The following DGKB variants were observed in gnomAD, a reference collection of about 807,000 sequenced individuals.
The protein encoded by DGKB is 90 kDa diacylglycerol kinase.
In DGKB, 67 loss-of-function variants were observed where a neutral mutation model predicts 114.3. That is an observed-to-expected ratio of 0.59 (90% CI 0.48 to 0.72). DGKB has a LOEUF of 0.72. Ranked by LOEUF, DGKB falls within the 30% of genes least tolerant of loss-of-function variation. The pLI is 0.00. For synonymous variants in DGKB, 398 were observed against 323.1 expected, an observed-to-expected ratio of 1.23 and a Z score of -2.49; for missense variants, 907 against 975.2, an observed-to-expected ratio of 0.93 and a Z score of 0.93.
intron 21 of DGKB, among the ~76,000 whole-genome samples, chr7:14,461,550 C>G (rs1244605919): frequency 6.6e-6 from 1 of 152,030 alleles, no homozygotes; most frequent in East Asian, 1.9e-4. Context: ...CAAGACTAAA[C>G]CAGGAAGAAG....
chr7:14,673,661 T>C (rs1430725371), intron 12 of DGKB, among the ~76,000 whole-genome samples: 2 of 152,084 alleles, frequency 1.3e-5, no homozygotes, highest in African/African-American at 4.8e-5. Flanking sequence ...TTTTTTAATA[T>C]GTATGAGCCC....
intron 20 of DGKB, among the ~76,000 whole-genome samples, chr7:14,545,953 A>G (rs1794215564): frequency 6.6e-6 from 1 of 152,210 alleles, no homozygotes; most frequent in South Asian, 2.1e-4. Flanking sequence ...TAAAGTTAAC[A>G]ATCTTGTTAA....
chr7:14,275,280 A>C (rs568652809), intron 23 of DGKB, among the ~76,000 whole-genome samples: 35 of 152,134 alleles, frequency 2.3e-4, no homozygotes, highest in South Asian at 1.7e-3. Context: ...TATAGTCCCA[A>C]CTCCTAATAC....
intron 23 of DGKB, among the ~76,000 whole-genome samples, chr7:14,214,386 A>C: frequency 6.6e-6 from 1 of 151,486 alleles, no homozygotes; most frequent in Admixed American, 6.6e-5. Flanking sequence ...ATTTCAAATT[A>C]ATGTTTTTTA....
chr7:14,793,301 G>A (rs1265079939), intron 2 of DGKB, among the ~76,000 whole-genome samples: 1 of 152,008 alleles, frequency 6.6e-6, no homozygotes, highest in African/African-American at 2.4e-5. Context: ...TGGTTGAATT[G>A]CTCCCCCGCC....
chr7:14,509,567 T>C (rs567854058), intron 20 of DGKB, among the ~76,000 whole-genome samples: 1 of 152,344 alleles, frequency 6.6e-6, no homozygotes, highest in East Asian at 1.9e-4. Flanking sequence ...GCTATACATC[T>C]TATTGAATGA....
intron 10 of DGKB, among the ~76,000 whole-genome samples, 189 bp downstream of exon 10, chr7:14,685,056 G>C (rs953797758): frequency 1.3e-5 from 2 of 152,058 alleles, no homozygotes; most frequent in Non-Finnish European, 2.9e-5. Context: ...TCCAACGGTA[G>C]GTTTTTCCAA....
At chr7:14,793,475 T>C (rs189146393) in intron 2 of DGKB, among the ~76,000 whole-genome samples, 5 of 152,288 alleles carry the variant, frequency 3.3e-5, no homozygotes, top group African/African-American at 1.2e-4. Flanking sequence ...CTTTGTATTC[T>C]ATGCCTAGGC....
chr7:14,694,339 T>G lies in DGKB; in HGVS notation c.592-145A>C, dbSNP rs1173014766. On this transcript the variant is annotated intron_variant, in intron 8 of 25. Transcript: ENST00000402815. ...CTCAGTACAACATTAATTCTATTAC[T>G]GATGAAGAGCGACTTTGTTAGCATT... 15 of 707,908 alleles carry G rather than the reference T, an allele frequency of 2.1e-5. No individual in the cohort carries two copies. The South Asian group carries it at 2.2e-4, about 10-fold the overall frequency. 43.9% of individuals were successfully genotyped at this position (707,908 alleles called of 1,614,324 possible).
At chr7:14,725,557 A>T (rs987191861) in intron 5 of DGKB, among the ~76,000 whole-genome samples, 2 of 145,856 alleles carry the variant, frequency 1.4e-5, no homozygotes, top group Non-Finnish European at 3.0e-5. Flanking sequence ...GGATATGTTG[A>T]TTTTTTTTTT....
At chr7:14,725,721 A>AT (rs1489750806) in intron 5 of DGKB, among the ~76,000 whole-genome samples, 2 of 151,868 alleles carry the variant, frequency 1.3e-5, no homozygotes, top group African/African-American at 2.4e-5. Flanking sequence ...TAATTTTTGT[A>AT]TTTTTTGGTA....
chr7:14,375,688 C>G (rs568005289), intron 21 of DGKB, among the ~76,000 whole-genome samples: 1 of 152,262 alleles, frequency 6.6e-6, no homozygotes, highest in Admixed American at 6.5e-5. Context: ...AAATAGATGC[C>G]TCACGCTGGC....
intron 12 of DGKB, among the ~76,000 whole-genome samples, chr7:14,680,163 T>A (rs1820583133): frequency 6.6e-6 from 1 of 151,850 alleles, no homozygotes; most frequent in Non-Finnish European, 1.5e-5. Flanking sequence ...CTGCCTTAAC[T>A]CCACCAGAGA....
intron 23 of DGKB, among the ~76,000 whole-genome samples, chr7:14,231,848 A>C (rs1403345126): frequency 1.3e-5 from 2 of 152,044 alleles, no homozygotes; most frequent in African/African-American, 2.4e-5. Flanking sequence ...ATTTCTAAGG[A>C]AAAAATACCT....
At chr7:14,695,480 C>G (rs769436099) in intron 8 of DGKB, among the ~76,000 whole-genome samples, 2 of 117,086 alleles carry the variant, frequency 1.7e-5, no homozygotes, top group African/African-American at 7.1e-5. Context: ...ATGTTCATTT[C>G]TCTCTCTCTC....
chr7:14,659,719 T>C (rs1816634179), intron 13 of DGKB, among the ~76,000 whole-genome samples: 1 of 147,228 alleles, frequency 6.8e-6, no homozygotes, highest in Non-Finnish European at 1.5e-5. Context: ...TTGAATACCC[T>C]TTATTTCCTT....
At chr7:14,427,455 G>A (rs1827751227) in intron 21 of DGKB, among the ~76,000 whole-genome samples, 1 of 152,164 alleles carries the variant, frequency 6.6e-6, no homozygotes, top group South Asian at 2.1e-4. Context: ...CCTCTGCCCA[G>A]TTACCCAGTT....
chr7:14,580,917 C>A lies in DGKB; in HGVS notation c.1554G>T (p.Ala518=), dbSNP rs73680453. Residue 518 remains alanine (A), a synonymous_variant, in exon 19 of 26, where the codon GCG becomes GCT. Coordinates refer to ENST00000402815, the MANE Select transcript of DGKB (RefSeq NM_001350709.2). The part of the protein sequence containing the change: ...KANVGKHPPV[A]ILPLGTGNDL... ...CATTGCCAGTCCCAAGAGGCAGAAT[C>A]GCAACTGGAGGATGCTTGCCTACAT... The A allele has an allele frequency of 1.2e-6, 2 of 1,604,332 alleles. No individual in the cohort carries two copies. Among genetic ancestry groups the A allele is most frequent in the Non-Finnish European group, 1.7e-6 (2 of 1,173,400 alleles).
At chr7:14,445,719 A>G (rs557042136) in intron 21 of DGKB, among the ~76,000 whole-genome samples, 1 of 152,190 alleles carries the variant, frequency 6.6e-6, no homozygotes, top group East Asian at 1.9e-4. Flanking sequence ...CCCAAGGATC[A>G]TAAAGTAAAA....
Sources: gnomAD v4.1 joint callset for allele counts (sites outside exome capture counted in the v4.1 genomes callset) on GRCh38, gnomAD v4.1.1 for gene constraint, MANE v1.5 for transcripts, NCBI Gene and HGNC (gene_info 2026-07-23, HGNC 2026-07-21) for gene names.